Variants in KCNAB1 observed in about 807,000 individuals in gnomAD.
The protein encoded by KCNAB1 is potassium voltage-gated channel subfamily A regulatory beta subunit 1, also known as voltage-gated potassium channel subunit beta-1.
Under a neutral mutation model 64.6 loss-of-function variants are expected in KCNAB1, and 35 were observed. The ratio of observed to expected loss-of-function variants is 0.54; its 90% confidence interval spans 0.41 to 0.72. The LOEUF (loss-of-function observed/expected upper bound fraction) is 0.72. Ranked by LOEUF, KCNAB1 falls within the 30% of genes least tolerant of loss-of-function variation. The pLI, the probability that KCNAB1 is intolerant of heterozygous loss-of-function variation, is 0.00. For synonymous variants in KCNAB1, 177 were observed against 183.8 expected (o/e 0.96, Z 0.30); for missense variants, 401 against 512.9 (o/e 0.78, Z 2.11).
intron 1 of KCNAB1, among the ~76,000 whole-genome samples, chr3:156,135,074 G>T (rs1193168119): frequency 6.6e-6 from 1 of 151,554 alleles, no homozygotes; most frequent in African/African-American, 2.4e-5. Context: ...TCACCTGACT[G>T]CAACCTCCGC....
intron 2 of KCNAB1, among the ~76,000 whole-genome samples, chr3:156,437,132 G>A (rs1246496994): frequency 1.3e-5 from 2 of 152,040 alleles, no homozygotes; most frequent in African/African-American, 4.8e-5. Context: ...CTAAATGCAT[G>A]CAATTTATAT....
At chr3:156,406,201 A>C (rs1378968047) in intron 1 of KCNAB1, among the ~76,000 whole-genome samples, 1 of 152,214 alleles carries the variant, frequency 6.6e-6, no homozygotes, top group African/African-American at 2.4e-5. Context: ...TGAATACAAG[A>C]CTGTAGAGGA....
chr3:156,326,128 C>T (rs1722956648), intron 1 of KCNAB1, among the ~76,000 whole-genome samples: 1 of 152,122 alleles, frequency 6.6e-6, no homozygotes, highest in Non-Finnish European at 1.5e-5. Context: ...GGGGTCTGCT[C>T]CCCTCTCCTG....
intron 5 of KCNAB1, among the ~76,000 whole-genome samples, chr3:156,462,127 A>G (rs911427508): frequency 1.3e-5 from 2 of 152,252 alleles, no homozygotes; most frequent in Non-Finnish European, 2.9e-5. Flanking sequence ...GTATCACTGT[A>G]AAATACATTA....
At chr3:156,435,873 A>G (rs1271934492) in intron 2 of KCNAB1, among the ~76,000 whole-genome samples, 2 of 152,146 alleles carry the variant, frequency 1.3e-5, no homozygotes, top group Admixed American at 6.5e-5. Context: ...TTTTTACCCC[A>G]TCAACATTTT....
intron 1 of KCNAB1, among the ~76,000 whole-genome samples, chr3:156,253,803 G>A (rs181868544): frequency 9.5e-4 from 144 of 152,296 alleles, no homozygotes; most frequent in African/African-American, 3.1e-3. Flanking sequence ...GAAATTCCAG[G>A]GAAGAGGACC....
chr3:156,185,406 C>T (rs1713121160), intron 1 of KCNAB1, among the ~76,000 whole-genome samples: 1 of 152,216 alleles, frequency 6.6e-6, no homozygotes, highest in Non-Finnish European at 1.5e-5. Context: ...TGGGGAGGCA[C>T]AACTTTACCT....
chr3:156,204,553 G>C (rs997947536), intron 1 of KCNAB1, among the ~76,000 whole-genome samples: 1 of 150,616 alleles, frequency 6.6e-6, no homozygotes, highest in Non-Finnish European at 1.5e-5. Flanking sequence ...CAAGCTGGCC[G>C]GCCATGGTGG....
At chr3:156,306,264 C>G (rs1721486021) in intron 1 of KCNAB1, among the ~76,000 whole-genome samples, 1 of 152,136 alleles carries the variant, frequency 6.6e-6, no homozygotes, top group African/African-American at 2.4e-5. Context: ...GTGACTCTGG[C>G]CTTTTCTCAA....
chr3:156,347,549 C>T (rs190158223), intron 1 of KCNAB1, among the ~76,000 whole-genome samples: 2 of 152,060 alleles, frequency 1.3e-5, no homozygotes, highest in Non-Finnish European at 2.9e-5. Flanking sequence ...ACTCATCCAC[C>T]AGTTAGCACA....
intron 1 of KCNAB1, among the ~76,000 whole-genome samples, chr3:156,276,177 C>T (rs1719335190): frequency 6.6e-6 from 1 of 152,066 alleles, no homozygotes; most frequent in Non-Finnish European, 1.5e-5. Context: ...TCTTGGGTGA[C>T]CAGGTGCATT....
chr3:156,153,584 A>T (rs1715541981), intron 1 of KCNAB1, among the ~76,000 whole-genome samples: 1 of 152,236 alleles, frequency 6.6e-6, no homozygotes, highest in Non-Finnish European at 1.5e-5. Flanking sequence ...TGAGTAAAGC[A>T]GACTGCCCTC....
At chr3:156,439,611 C>T (rs983682919) in intron 2 of KCNAB1, among the ~76,000 whole-genome samples, 10 of 152,144 alleles carry the variant, frequency 6.6e-5, no homozygotes, top group Admixed American at 2.6e-4. Flanking sequence ...ATACTCTTTC[C>T]GAGTTAACAG....
At chr3:156,164,475 A>AAGCT (rs1183882736) in intron 1 of KCNAB1, among the ~76,000 whole-genome samples, 1 of 152,152 alleles carries the variant, frequency 6.6e-6, no homozygotes, top group Non-Finnish European at 1.5e-5. Flanking sequence ...ACTAGACTTG[A>AAGCT]AGCTGCCTGC....
In KCNAB1 at chr3:156,470,052, G is replaced by A. The variant is rs889455517; in HGVS notation, c.571+4366G>A. Among the ~76,000 whole-genome samples the A allele has an allele frequency of 3.9e-5, 6 of 152,306 alleles. 1 individual carries two copies. The East Asian group carries it at 1.2e-3, about 29-fold the overall frequency. ...AGAGTTCAGGCCACTTCTGTGCTGG[G>A]TGACCTTAGCCACCTGAGTTAGTTT... On this transcript the variant is annotated intron_variant, in intron 7 of 13. Transcript: ENST00000490337.
At chr3:156,459,464 G>T (rs1428347826) in intron 4 of KCNAB1, among the ~76,000 whole-genome samples, 1 of 152,024 alleles carries the variant, frequency 6.6e-6, no homozygotes. Flanking sequence ...CAATTGAATT[G>T]CTTCACAGCA....
chr3:156,291,100 C>G (rs1057505699), intron 1 of KCNAB1: 1 of 985,372 alleles, frequency 1.0e-6, no homozygotes. Flanking sequence ...TTTTATGGAG[C>G]AACCCTCCCG....
intron 1 of KCNAB1, among the ~76,000 whole-genome samples, chr3:156,165,277 C>CAAAAAAAAA (rs35419424): frequency 7.4e-5 from 2 of 27,134 alleles, no homozygotes; most frequent in African/African-American, 1.0e-4. Context: ...GACTCCGTCT[C>CAAAAAAAAA]AAAAAAAAAA....
intron 2 of KCNAB1, among the ~76,000 whole-genome samples, chr3:156,443,354 G>C (rs1717144160): frequency 6.6e-6 from 1 of 152,056 alleles, no homozygotes; most frequent in Non-Finnish European, 1.5e-5. Flanking sequence ...CAAGCATTTA[G>C]AGCAAACCTG....
Sources: allele counts gnomAD v4.1 joint callset (sites outside exome capture counted in the v4.1 genomes callset), GRCh38; gene constraint gnomAD v4.1.1; transcripts MANE v1.5; gene names NCBI Gene and HGNC (gene_info 2026-07-23, HGNC 2026-07-21).